Variants in CDH12 observed in about 807,000 individuals in gnomAD.
The protein encoded by CDH12 is cadherin 12, also known as cadherin-12.
CDH12 carries 41 observed loss-of-function variants against 74.1 expected under a neutral mutation model. The observed-to-expected ratio is 0.55, with a 90% CI of 0.43 to 0.72. The LOEUF is 0.72. Among genes scored for constraint, CDH12 ranks in the 30% least tolerant of loss-of-function variants. The pLI is 0.00. For synonymous variants in CDH12, 399 were observed against 355.0 expected (o/e 1.12, Z -1.39); for missense variants, 945 against 977.2 (o/e 0.97, Z 0.44).
chr5:22,407,902 C>CT (rs763705157), intron 2 of CDH12, among the ~76,000 whole-genome samples: 12 of 152,186 alleles, frequency 7.9e-5, no homozygotes, highest in Non-Finnish European at 1.5e-4. Context: ...ATACAGGATG[C>CT]TTTTTTACGT....
chr5:22,786,921 T>C (rs1429652655), intron 1 of CDH12, among the ~76,000 whole-genome samples: 2 of 152,086 alleles, frequency 1.3e-5, no homozygotes, highest in Non-Finnish European at 2.9e-5. Context: ...GGTTTCACCA[T>C]GTTGGCCAGG....
chr5:22,168,309 G>A (rs965652288), intron 4 of CDH12, among the ~76,000 whole-genome samples: 2 of 151,832 alleles, frequency 1.3e-5, no homozygotes, highest in African/African-American at 2.4e-5. Flanking sequence ...TACACTACTA[G>A]TCCCCTCTAA....
chr5:22,054,986 A>G lies in CDH12; in HGVS notation c.231+23460T>C, dbSNP rs144111161. ...CCCAGGCTGTATAATTTGTCATCCA[A>G]TTTGACATCCAATGTCACCCACTTT... On this transcript the variant is annotated intron_variant, in intron 5 of 14. Coordinates refer to ENST00000382254, the MANE Select transcript of CDH12 (RefSeq NM_004061.5). Among the ~76,000 whole-genome samples, 1,520 of 152,290 alleles carry G rather than the reference A, an allele frequency of 1.0e-2. 14 individuals are homozygous for G. The highest frequency in any genetic ancestry group is 0.016 in the Non-Finnish European group (1,084 of 68,004).
chr5:21,968,334 A>T (rs1279724166), intron 6 of CDH12, among the ~76,000 whole-genome samples: 1 of 152,206 alleles, frequency 6.6e-6, no homozygotes, highest in Non-Finnish European at 1.5e-5. Flanking sequence ...ATTCACTTGC[A>T]GGTGAGAAAA....
intron 4 of CDH12, among the ~76,000 whole-genome samples, chr5:22,168,643 A>G (rs1748834210): frequency 6.6e-6 from 1 of 152,004 alleles, no homozygotes; most frequent in African/African-American, 2.4e-5. Flanking sequence ...GTGATTTTTT[A>G]CTTTTCAACT....
intron 1 of CDH12, among the ~76,000 whole-genome samples, chr5:22,732,051 T>C (rs1406832354): frequency 3.3e-5 from 5 of 151,844 alleles, no homozygotes; most frequent in Non-Finnish European, 5.9e-5. Context: ...TTCTGTTTGC[T>C]ACAGCTGCAA....
chr5:21,970,293 T>C (rs1412547732), intron 6 of CDH12, among the ~76,000 whole-genome samples: 11 of 152,176 alleles, frequency 7.2e-5, no homozygotes, highest in Non-Finnish European at 1.5e-4. Context: ...AGGGCATAGA[T>C]AGAAGTGGAT....
chr5:21,928,697 T>C (rs1239354610), intron 6 of CDH12, among the ~76,000 whole-genome samples: 2 of 152,206 alleles, frequency 1.3e-5, no homozygotes, highest in Admixed American at 6.5e-5. Flanking sequence ...TAGTTATTAA[T>C]TGAGCTTTGC....
intron 3 of CDH12, among the ~76,000 whole-genome samples, chr5:22,360,277 G>C (rs1329143732): frequency 1.3e-5 from 2 of 151,890 alleles, no homozygotes; most frequent in African/African-American, 4.8e-5. Flanking sequence ...GAAATACAAA[G>C]TACCATCAGA....
chr5:22,607,602 C>T (rs1737183817), intron 1 of CDH12, among the ~76,000 whole-genome samples: 1 of 152,218 alleles, frequency 6.6e-6, no homozygotes, highest in South Asian at 2.1e-4. Context: ...CCTCCCACAA[C>T]ACGTGGGCAT....
At chr5:22,158,285 A>G (rs1272678633) in intron 4 of CDH12, among the ~76,000 whole-genome samples, 1 of 152,006 alleles carries the variant, frequency 6.6e-6, no homozygotes, top group Non-Finnish European at 1.5e-5. Context: ...GGTGATAAAC[A>G]CCATTTGGAA....
chr5:22,024,819 C>T (rs566190098), intron 5 of CDH12, among the ~76,000 whole-genome samples: 1 of 152,180 alleles, frequency 6.6e-6, no homozygotes, highest in South Asian at 2.1e-4. Flanking sequence ...TGGCCAAAAG[C>T]AAATTAAATT....
chr5:21,781,269 T>TC (rs1745892760), intron 11 of CDH12, among the ~76,000 whole-genome samples: 2 of 152,158 alleles, frequency 1.3e-5, no homozygotes, highest in African/African-American at 4.8e-5. Flanking sequence ...GCAAGGGGCC[T>TC]CTAGAATTAA....
At chr5:22,240,721 A>G (rs1244425640) in intron 3 of CDH12, among the ~76,000 whole-genome samples, 1 of 151,920 alleles carries the variant, frequency 6.6e-6, no homozygotes, top group Admixed American at 6.6e-5. Context: ...TTTAGTAGAG[A>G]TAGGGTTTCA....
intron 3 of CDH12, among the ~76,000 whole-genome samples, chr5:22,269,696 C>T (rs905790094): frequency 6.6e-6 from 1 of 152,124 alleles, no homozygotes; most frequent in Non-Finnish European, 1.5e-5. Flanking sequence ...CCATCCTTCA[C>T]CTGAAATGAC....
chr5:22,456,946 T>TG (rs202242492), intron 2 of CDH12, among the ~76,000 whole-genome samples: 5 of 152,090 alleles, frequency 3.3e-5, no homozygotes, highest in East Asian at 1.9e-4. Context: ...GAATTATTCA[T>TG]GGTTTTTTTT....
At chr5:22,536,073 A>C (rs1382485330) in intron 1 of CDH12, among the ~76,000 whole-genome samples, 2 of 152,314 alleles carry the variant, frequency 1.3e-5, no homozygotes, top group South Asian at 2.1e-4. Context: ...TATTTTGTAT[A>C]AGGGACTTGA....
At chr5:22,281,173 G>A (rs1198091222) in intron 3 of CDH12, among the ~76,000 whole-genome samples, 2 of 152,022 alleles carry the variant, frequency 1.3e-5, no homozygotes, top group Admixed American at 6.6e-5. Context: ...AAATTAAACA[G>A]CCCTTCATGC....
intron 8 of CDH12, among the ~76,000 whole-genome samples, chr5:21,828,805 C>T (rs74486069): frequency 0.022 from 3,333 of 151,634 alleles, 116 homozygotes; most frequent in African/African-American, 0.077. Flanking sequence ...ATTATTCTTT[C>T]AGGGACAACC....
Sources: gnomAD v4.1 joint callset for allele counts (sites outside exome capture counted in the v4.1 genomes callset) on GRCh38, gnomAD v4.1.1 for gene constraint, MANE v1.5 for transcripts, NCBI Gene and HGNC (gene_info 2026-07-23, HGNC 2026-07-21) for gene names.